Variants in PTPRT observed in about 807,000 individuals in gnomAD.
PTPRT encodes receptor-type tyrosine-protein phosphatase T.
PTPRT carries 56 observed loss-of-function variants against 176.8 expected under a neutral mutation model. That is an observed-to-expected ratio of 0.32 (90% CI 0.26 to 0.40). The LOEUF is 0.40. Among genes scored for constraint, PTPRT ranks in the 10% least tolerant of loss-of-function variants. The pLI is 1.00. For synonymous variants in PTPRT, 783 were observed against 739.0 expected (o/e 1.06, Z -0.96); for missense variants, 1,540 against 1,908.2 (o/e 0.81, Z 3.60).
Position 42,665,055 on chromosome 20 carries a change from T to C in PTPRT, c.1153+12811A>G, listed in dbSNP as rs557602877. Among the ~76,000 whole-genome samples, 628 of 152,144 alleles carry C rather than the reference T, an allele frequency of 4.1e-3. 7 individuals carry two copies. In the Middle Eastern group the frequency reaches 0.044, roughly 11 times the overall value. ...TAGGCATGGGCAAGGACTTCATGTC[T>C]AAAACACCAAAAGCAATGGCAACAA... On this transcript the variant is annotated intron_variant, in intron 7 of 30. Coordinates refer to ENST00000373187, the MANE Select transcript of PTPRT (RefSeq NM_007050.6).
intron 17 of PTPRT, among the ~76,000 whole-genome samples, chr20:42,144,500 T>C (rs1600584387): frequency 6.6e-6 from 1 of 151,894 alleles, no homozygotes; most frequent in East Asian, 1.9e-4. Context: ...CAACCACCGA[T>C]AAGACAGACA....
chr20:42,697,817 C>T (rs1243888249), intron 6 of PTPRT, among the ~76,000 whole-genome samples: 1 of 152,180 alleles, frequency 6.6e-6, no homozygotes, highest in Non-Finnish European at 1.5e-5. Flanking sequence ...TTGATGGTCT[C>T]AGTGAAATTG....
At chr20:42,689,549 G>A (rs867275090) in intron 6 of PTPRT, among the ~76,000 whole-genome samples, 6 of 152,180 alleles carry the variant, frequency 3.9e-5, no homozygotes, top group Non-Finnish European at 8.8e-5. Context: ...GGAGATAAGG[G>A]AAATCTCTCA....
At chr20:42,920,415 G>A (rs1200714602) in intron 1 of PTPRT, among the ~76,000 whole-genome samples, 3 of 152,130 alleles carry the variant, frequency 2.0e-5, no homozygotes, top group Non-Finnish European at 2.9e-5. Flanking sequence ...AAGTTGAGGG[G>A]AGGGTGATAA....
intron 6 of PTPRT, among the ~76,000 whole-genome samples, chr20:42,698,023 G>T (rs528320873): frequency 1.3e-5 from 2 of 152,216 alleles, no homozygotes; most frequent in African/African-American, 4.8e-5. Flanking sequence ...ATCTCTAATC[G>T]TATCATTCCT....
At chr20:42,319,776 T>C (rs1344979155) in intron 11 of PTPRT, among the ~76,000 whole-genome samples, 1 of 152,214 alleles carries the variant, frequency 6.6e-6, no homozygotes, top group Non-Finnish European at 1.5e-5. Flanking sequence ...CTCTTGAGAA[T>C]ACATTTATCT....
At chr20:42,260,047 G>C (rs2056720573) in intron 13 of PTPRT, among the ~76,000 whole-genome samples, 1 of 152,212 alleles carries the variant, frequency 6.6e-6, no homozygotes, top group South Asian at 2.1e-4. Flanking sequence ...CAACACTACT[G>C]TCTTGGAACT....
intron 6 of PTPRT, among the ~76,000 whole-genome samples, chr20:42,740,523 A>G (rs2076593345): frequency 6.6e-6 from 1 of 152,248 alleles, no homozygotes; most frequent in Non-Finnish European, 1.5e-5. Context: ...GGACAAGAGC[A>G]GGACTATACG....
intron 1 of PTPRT, among the ~76,000 whole-genome samples, chr20:43,071,916 A>G (rs749013958): frequency 1.3e-5 from 2 of 152,224 alleles, no homozygotes; most frequent in Non-Finnish European, 1.5e-5. Context: ...TGCCCCACTT[A>G]AACAGTCAGT....
intron 1 of PTPRT, among the ~76,000 whole-genome samples, chr20:43,020,956 C>G (rs534282739): frequency 6.6e-6 from 1 of 152,068 alleles, no homozygotes; most frequent in African/African-American, 2.4e-5. Flanking sequence ...ATAAAGCTCA[C>G]GTCCATTTCA....
chr20:43,046,115 C>T (rs1191603454), intron 1 of PTPRT, among the ~76,000 whole-genome samples: 1 of 151,958 alleles, frequency 6.6e-6, no homozygotes, highest in Non-Finnish European at 1.5e-5. Flanking sequence ...CAAAAGGAAG[C>T]CAGATGCAGC....
intron 1 of PTPRT, among the ~76,000 whole-genome samples, chr20:42,931,336 A>T (rs1390671945): frequency 6.6e-6 from 1 of 152,216 alleles, no homozygotes; most frequent in Non-Finnish European, 1.5e-5. Flanking sequence ...CCAGGTGAGG[A>T]CACATGGAGA....
At chr20:42,581,413 G>A (rs1020036906) in intron 7 of PTPRT, among the ~76,000 whole-genome samples, 1 of 152,020 alleles carries the variant, frequency 6.6e-6, no homozygotes, top group African/African-American at 2.4e-5. Flanking sequence ...GCACCATGAC[G>A]GAAACGATTT....
chr20:42,865,570 A>T (rs1003784075), intron 2 of PTPRT, among the ~76,000 whole-genome samples: 1 of 152,152 alleles, frequency 6.6e-6, no homozygotes, highest in African/African-American at 2.4e-5. Flanking sequence ...TAAATGCAAA[A>T]TTACACAGAG....
intron 7 of PTPRT, among the ~76,000 whole-genome samples, chr20:42,573,271 G>A (rs908451010): frequency 6.6e-6 from 1 of 152,140 alleles, no homozygotes; most frequent in Non-Finnish European, 1.5e-5. Flanking sequence ...AGCCTGCACT[G>A]GGCAAGGCAA....
At chr20:42,760,314 G>A (rs558254110) in intron 5 of PTPRT, among the ~76,000 whole-genome samples, 13 of 149,484 alleles carry the variant, frequency 8.7e-5, no homozygotes, top group Admixed American at 5.4e-4. Context: ...TAAATTATAC[G>A]TTGGGTTTCC....
intron 7 of PTPRT, among the ~76,000 whole-genome samples, chr20:42,487,640 G>T (rs1274615065): frequency 6.6e-6 from 1 of 152,124 alleles, no homozygotes; most frequent in Admixed American, 6.5e-5. Flanking sequence ...GATGGAGAAA[G>T]AACAGCAAGC....
rs1471645810 is a variant in PTPRT at position 42,184,583 on chromosome 20, T to TTCTTCTTCTTCTTCC, written c.2491+14656_2491+14657insGGAAGAAGAAGAAGA. Among the ~76,000 whole-genome samples the TTCTTCTTCTTCTTCC allele has an allele frequency of 4.9e-5, 7 of 141,742 alleles. No individual in the cohort carries two copies. The East Asian group carries it at 1.5e-3, about 31-fold the overall frequency. The allele number at this position is 141,742 out of a possible 152,430, so 93.0% of individuals were successfully genotyped here. A position where few individuals can be genotyped will look rare whatever the true frequency, so the allele number is the denominator to read the frequency against. ...CTTATTCTTCTTCTTCTTCTTCTTCTTCTTCTTCTTCCTCTTCTTCTTCTT... is the reference window on the plus strand; with the variant it reads ...CTTATTCTTCTTCTTCTTCTTCTTCTTCTTCTTCTTCTTCCTCTTCTTCTTCCTCTTCTTCTTCTT... On this transcript the variant is annotated intron_variant, in intron 16 of 30. Transcript: ENST00000373187.
intron 7 of PTPRT, among the ~76,000 whole-genome samples, chr20:42,615,723 C>T (rs1431262456): frequency 8.1e-6 from 1 of 122,944 alleles, no homozygotes; most frequent in Non-Finnish European, 1.6e-5. Context: ...TTTTTGGCTG[C>T]ATAAATGTCT....
Sources: gnomAD v4.1 joint callset for allele counts (sites outside exome capture counted in the v4.1 genomes callset) on GRCh38, gnomAD v4.1.1 for gene constraint, MANE v1.5 for transcripts, NCBI Gene and HGNC (gene_info 2026-07-23, HGNC 2026-07-21) for gene names.